Variants in STAU1 observed in about 807,000 individuals in gnomAD.
STAU1 encodes the protein staufen double-stranded RNA binding protein 1.
STAU1 carries 13 observed loss-of-function variants against 62.9 expected under a neutral mutation model. The ratio of observed to expected loss-of-function variants is 0.21; its 90% CI spans 0.13 to 0.33. The LOEUF (loss-of-function observed/expected upper bound fraction) is 0.33. STAU1 is among the 10% of genes least tolerant of loss of function. The pLI, the probability that STAU1 is intolerant of heterozygous loss-of-function variation, is 1.00. For synonymous variants in STAU1, 269 were observed against 265.1 expected (o/e 1.01, Z -0.14); for missense variants, 571 against 712.1 (o/e 0.80, Z 2.25).
chr20:49,178,558 G>C (rs2093686510), intron 1 of STAU1, among the ~76,000 whole-genome samples: 1 of 151,966 alleles, frequency 6.6e-6, no homozygotes, highest in Admixed American at 6.6e-5. Context: ...AGATCAGCCT[G>C]GCTAACATGG....
chr20:49,206,849 G>A, the STAU1 span, among the ~76,000 whole-genome samples: 7 of 149,904 alleles, frequency 4.7e-5, no homozygotes, highest in African/African-American at 1.7e-4. Context: ...TTCACCTCCC[G>A]GGTTCAAGCA....
chr20:49,189,384 C>T (rs544087299), upstream of STAU1, among the ~76,000 whole-genome samples: 59 of 151,672 alleles, frequency 3.9e-4, 1 homozygote, highest in South Asian at 0.011. Context: ...CCTGTAATCC[C>T]GGCACTTTGG....
chr20:49,200,468 G>A, the STAU1 span, among the ~76,000 whole-genome samples: 1 of 152,060 alleles, frequency 6.6e-6, no homozygotes, highest in Non-Finnish European at 1.5e-5. Context: ...GGGCGTGGTG[G>A]CGGGCGCCTG....
intron 3 of STAU1, among the ~76,000 whole-genome samples, chr20:49,161,990 CA>C (rs1025719402): frequency 3.9e-5 from 6 of 152,090 alleles, no homozygotes; most frequent in African/African-American, 1.4e-4. Flanking sequence ...CTATTAAAAC[CA>C]ACTGGAATAC....
intron 5 of STAU1, among the ~76,000 whole-genome samples, chr20:49,145,935 T>C (rs1257531721): frequency 6.6e-6 from 1 of 151,616 alleles, no homozygotes. Flanking sequence ...AAAAGAAAAC[T>C]AGGTCCAATG....
rs751849621 is a variant in STAU1, at chr20:49,135,917, T to C, written c.525A>G (p.Glu175=). Residue 175 remains glutamate (E), a synonymous_variant, in exon 6 of 14, where the codon GAA becomes GAG. Coordinates refer to ENST00000371856, the MANE Select transcript of STAU1 (RefSeq NM_017453.4). The part of the protein sequence containing the change: ...LPERLEVNGR[E]SEEENLNKSE... ...ATTTATTGAGATTTTCTTCTTCGGATTCTCTTCCATTCACCTGTAAGAATA... is the reference window on the plus strand; with the variant it reads ...ATTTATTGAGATTTTCTTCTTCGGACTCTCTTCCATTCACCTGTAAGAATA... 84 of 1,612,972 alleles carry C rather than the reference T, an allele frequency of 5.2e-5. No homozygotes were observed. Among genetic ancestry groups the C allele is most frequent in the Non-Finnish European group, 6.7e-5 (79 of 1,179,354 alleles).
intron 6 of STAU1, among the ~76,000 whole-genome samples, chr20:49,131,357 G>A (rs963310781): frequency 6.6e-6 from 1 of 152,184 alleles, no homozygotes; most frequent in Non-Finnish European, 1.5e-5. Flanking sequence ...AATGTAGGAT[G>A]TGTATTAGGT....
At chr20:49,213,220 G>A in the STAU1 span, among the ~76,000 whole-genome samples, 3 of 151,400 alleles carry the variant, frequency 2.0e-5, no homozygotes, top group Non-Finnish European at 4.4e-5. Flanking sequence ...TCACTATGTT[G>A]CCCAGGCTCA....
intron 5 of STAU1, among the ~76,000 whole-genome samples, chr20:49,141,273 C>T (rs1323924565): frequency 1.3e-5 from 2 of 152,012 alleles, no homozygotes; most frequent in Admixed American, 6.6e-5. Context: ...CTACTGACGT[C>T]GGACTGTTTT....
intron 1 of STAU1, among the ~76,000 whole-genome samples, chr20:49,184,634 C>T (rs948216013): frequency 6.6e-6 from 1 of 152,300 alleles, no homozygotes; most frequent in East Asian, 1.9e-4. Context: ...AAGAGAGCAA[C>T]TTATTCTCAA....
chr20:49,188,922 C>T (rs2093822708), upstream of STAU1, among the ~76,000 whole-genome samples: 4 of 152,062 alleles, frequency 2.6e-5, no homozygotes, highest in African/African-American at 7.2e-5. Context: ...GACAATGGCC[C>T]GGGCGCGTTG....
Position 49,151,566 on chromosome 20 carries a change from G to C in STAU1, c.510+16C>G. 6.3e-7 allele frequency: 1 copy of C among 1,579,920 alleles called. No individual in the cohort carries two copies. Among genetic ancestry groups the C allele is most frequent in the Non-Finnish European group, 8.6e-7 (1 of 1,165,594 alleles). On this transcript the variant is annotated intron_variant, in intron 5 of 13. Coordinates refer to ENST00000371856, the MANE Select transcript of STAU1 (RefSeq NM_017453.4). The stretch of plus-strand genomic sequence containing the variant: ...ACCCTGTCGAAGCGTCAGGGAGCCT[G>C]GGCTCAACTCCTCACCTCCAGCCTC...
chr20:49,136,018 T>C, intron 5 of STAU1, 87 bp from the exon 6 acceptor site: 1 of 1,031,854 alleles, frequency 9.7e-7, no homozygotes, highest in Non-Finnish European at 1.4e-6. Context: ...CCCAGCACTT[T>C]GAAGGCTAAG....
upstream of STAU1, among the ~76,000 whole-genome samples, chr20:49,191,307 G>A (rs2146672404): frequency 6.6e-6 from 1 of 152,286 alleles, no homozygotes; most frequent in East Asian, 1.9e-4. Context: ...GATTACAAGT[G>A]TGAATGTTAA....
At chr20:49,183,150 T>C (rs1489797406) in intron 1 of STAU1, among the ~76,000 whole-genome samples, 2 of 152,178 alleles carry the variant, frequency 1.3e-5, no homozygotes, top group Non-Finnish European at 2.9e-5. Context: ...CAACCACAAA[T>C]GTCTCCATCA....
chr20:49,183,407 G>C (rs184408162), intron 1 of STAU1, among the ~76,000 whole-genome samples: 33 of 152,280 alleles, frequency 2.2e-4, no homozygotes, highest in African/African-American at 7.9e-4. Flanking sequence ...TATAATCCCA[G>C]CTACTAAGGA....
At chr20:49,137,832 A>ATTTTTTT (rs34370524) in intron 5 of STAU1, among the ~76,000 whole-genome samples, 5 of 128,436 alleles carry the variant, frequency 3.9e-5, no homozygotes, top group Non-Finnish European at 4.8e-5. Flanking sequence ...CACCCGGCTA[A>ATTTTTTT]TTTTTTTTTT....
chr20:49,152,456 G>A (rs2093270923), intron 4 of STAU1, among the ~76,000 whole-genome samples: 1 of 147,332 alleles, frequency 6.8e-6, no homozygotes, highest in African/African-American at 2.5e-5. Context: ...CGATTCTCCT[G>A]CCTCAGCCTC....
the STAU1 span, among the ~76,000 whole-genome samples, chr20:49,200,874 A>G: frequency 6.6e-6 from 1 of 151,110 alleles, no homozygotes; most frequent in Non-Finnish European, 1.5e-5. Context: ...GTCTCTACCA[A>G]AAAAACCCAC....
Sources: allele counts gnomAD v4.1 joint callset (sites outside exome capture counted in the v4.1 genomes callset), GRCh38; gene constraint gnomAD v4.1.1; transcripts MANE v1.5; gene names NCBI Gene and HGNC (gene_info 2026-07-23, HGNC 2026-07-21).